The following SUMF1 variants were observed in gnomAD, a reference collection of about 807,000 sequenced individuals.
The protein encoded by SUMF1 is formylglycine-generating enzyme.
Under a neutral mutation model 47.6 loss-of-function variants are expected in SUMF1, and 48 were observed. That is an observed-to-expected ratio of 1.01 (90% confidence interval 0.80 to 1.28). SUMF1 has a LOEUF of 1.28. Ranked by LOEUF, SUMF1 falls within the 50% of genes most tolerant of loss-of-function variation. The probability of loss-of-function intolerance (pLI) is 0.00; values close to 1 mark genes in which losing one functional copy is unlikely to be tolerated. For synonymous variants in SUMF1, 230 were observed against 192.1 expected (o/e 1.20, Z -1.63); for missense variants, 571 against 485.4 (o/e 1.18, Z -1.66).
Position 4,467,201 on chromosome 3 carries a change from C to G in SUMF1, c.45G>C (p.Glu15Asp). The G allele has an allele frequency of 6.2e-7, 1 of 1,611,540 alleles. No homozygotes were observed. Among genetic ancestry groups the G allele is most frequent in the Non-Finnish European group, 8.5e-7 (1 of 1,179,276 alleles). Residue 15 changes from glutamate (E) to aspartate (D), a missense_variant, in exon 1 of 9, where the codon GAG becomes GAC. Glu to Asp is a conservative substitution (Grantham distance 45, BLOSUM62 2). Transcript: ENST00000272902. ...ALGLVCGRCP[E>D]LGLVLLLLLL... Reference sequence around the variant, plus strand: ...GCAGCAGCAAGAGGACGAGACCCAGCTCAGGGCAACGTCCACACACCAGCC... The same window carrying G: ...GCAGCAGCAAGAGGACGAGACCCAGGTCAGGGCAACGTCCACACACCAGCC...
chr3:4,254,105 C>T (rs576435680), intron 8 of SUMF1, among the ~76,000 whole-genome samples: 1 of 151,824 alleles, frequency 6.6e-6, no homozygotes, highest in African/African-American at 2.4e-5. Flanking sequence ...CACCGAAAAC[C>T]CATCTGTACA....
At chr3:4,212,046 G>C (rs1286983702) in intron 8 of SUMF1, among the ~76,000 whole-genome samples, 1 of 152,178 alleles carries the variant, frequency 6.6e-6, no homozygotes, top group East Asian at 1.9e-4. Flanking sequence ...CTGAAGAGAG[G>C]AGCAGACCTC....
intron 8 of SUMF1, among the ~76,000 whole-genome samples, chr3:4,260,983 C>T (rs2125023398): frequency 6.6e-6 from 1 of 152,266 alleles, no homozygotes; most frequent in East Asian, 1.9e-4. Flanking sequence ...TGTTGGTCTT[C>T]TGATCAATAG....
chr3:4,254,192 A>G (rs1380781316), intron 8 of SUMF1, among the ~76,000 whole-genome samples: 4 of 152,080 alleles, frequency 2.6e-5, no homozygotes, highest in African/African-American at 7.2e-5. Flanking sequence ...TGGAAACTCT[A>G]AAAAGCAGAG....
intron 8 of SUMF1, among the ~76,000 whole-genome samples, chr3:4,118,672 A>C (rs12107789): frequency 0.081 from 12,247 of 152,130 alleles, 1,251 homozygotes; most frequent in African/African-American, 0.21. Flanking sequence ...TCTAAATGCC[A>C]AATCTAGTGG....
chr3:4,317,247 T>TAAA (rs1478634387), intron 8 of SUMF1: 1 of 1,524,508 alleles, frequency 6.6e-7, no homozygotes, highest in Non-Finnish European at 8.8e-7. Context: ...TTTTGATTAA[T>TAAA]AAAAATGCGT....
At chr3:4,241,693 C>T (rs1008560724) in intron 8 of SUMF1, among the ~76,000 whole-genome samples, 5 of 152,108 alleles carry the variant, frequency 3.3e-5, no homozygotes, top group African/African-American at 4.8e-5. Flanking sequence ...ACCCAAGGTT[C>T]GTTGTCTCAC....
chr3:4,110,643 C>T (rs1364233873), intron 8 of SUMF1, among the ~76,000 whole-genome samples: 1 of 151,906 alleles, frequency 6.6e-6, no homozygotes, highest in Non-Finnish European at 1.5e-5. Context: ...CACATATACA[C>T]CATGGAATAC....
At chr3:4,195,061 C>G (rs1389597233) in intron 8 of SUMF1, among the ~76,000 whole-genome samples, 1 of 152,100 alleles carries the variant, frequency 6.6e-6, no homozygotes, top group Non-Finnish European at 1.5e-5. Flanking sequence ...GAAAATAAAA[C>G]TGTATCATCA....
At chr3:4,284,896 T>G (rs561121322) in intron 8 of SUMF1, among the ~76,000 whole-genome samples, 1 of 152,322 alleles carries the variant, frequency 6.6e-6, no homozygotes, top group South Asian at 2.1e-4. Context: ...AAATGTTACT[T>G]CCAATACAAA....
chr3:4,212,984 C>T (rs1198465133), intron 8 of SUMF1, among the ~76,000 whole-genome samples: 2 of 152,156 alleles, frequency 1.3e-5, no homozygotes, highest in South Asian at 2.1e-4. Context: ...TTGGAAAACA[C>T]TCTTCAGGAT....
chr3:4,095,194 T>G (rs1334795229), intron 8 of SUMF1, among the ~76,000 whole-genome samples: 1 of 152,106 alleles, frequency 6.6e-6, no homozygotes, highest in Admixed American at 6.5e-5. Context: ...AATGATTTTT[T>G]ACAGGGTAGA....
At chr3:4,382,187 T>G (rs1700525043) in intron 7 of SUMF1, among the ~76,000 whole-genome samples, 1 of 152,174 alleles carries the variant, frequency 6.6e-6, no homozygotes, top group Non-Finnish European at 1.5e-5. Flanking sequence ...AATGCCTACT[T>G]AAATACTGAT....
In SUMF1 at chr3:4,322,659, T is replaced by TA. The variant is rs533846032; in HGVS notation, c.1014+53670dup. Among the ~76,000 whole-genome samples the TA allele has an allele frequency of 5.1e-3, 651 of 127,466 alleles. 2 individuals carry two copies. The highest frequency in any genetic ancestry group is 7.4e-3 in the Admixed American group (94 of 12,662). The allele number at this position is 127,466 out of a possible 152,430, so 83.6% of individuals were successfully genotyped here. A position where few individuals can be genotyped will look rare whatever the true frequency, so the allele number is the denominator to read the frequency against. ...TGGGTGAAAGAGGGAGACCTGCCTA[T>TA]AAAAAAAAAAAAAGAAAGAAAAAAG... On this transcript the variant is annotated intron_variant and NMD_transcript_variant, in intron 8 of 12. Coordinates refer to the SUMF1 transcript ENST00000448413.
chr3:4,434,636 C>G (rs899273948), intron 3 of SUMF1, among the ~76,000 whole-genome samples: 3 of 152,254 alleles, frequency 2.0e-5, no homozygotes, highest in Admixed American at 2.0e-4. Context: ...TTTGTAACAG[C>G]TCTATGGGGT....
chr3:4,305,079 TTAG>T (rs1465801822), intron 8 of SUMF1, among the ~76,000 whole-genome samples: 1 of 152,090 alleles, frequency 6.6e-6, no homozygotes, highest in Non-Finnish European at 1.5e-5. Context: ...ATAGAAATGT[TTAG>T]GTTAAGATAA....
chr3:4,399,416 G>A (rs1459541175), intron 7 of SUMF1, among the ~76,000 whole-genome samples: 3 of 152,166 alleles, frequency 2.0e-5, no homozygotes, highest in African/African-American at 7.2e-5. Context: ...TGACTCAGGA[G>A]TACTGTGGGA....
intron 8 of SUMF1, among the ~76,000 whole-genome samples, chr3:4,166,725 T>C (rs1478544656): frequency 6.6e-6 from 1 of 152,108 alleles, no homozygotes; most frequent in Non-Finnish European, 1.5e-5. Flanking sequence ...GATGTAACTT[T>C]AAGAGTTCCA....
intron 3 of SUMF1, among the ~76,000 whole-genome samples, chr3:4,421,867 G>C (rs959651412): frequency 6.6e-6 from 1 of 152,144 alleles, no homozygotes; most frequent in African/African-American, 2.4e-5. Flanking sequence ...CTCTTTGATT[G>C]TTTTCATCCT....
Sources: allele counts gnomAD v4.1 joint callset (sites outside exome capture counted in the v4.1 genomes callset), GRCh38; gene constraint gnomAD v4.1.1; transcripts MANE v1.5; gene names NCBI Gene and HGNC (gene_info 2026-07-23, HGNC 2026-07-21).